The following ASXL2 variants were observed in gnomAD, a reference collection of about 807,000 sequenced individuals.
ASXL2 encodes the protein ASXL transcriptional regulator 2.
A neutral mutation model predicts 122.0 loss-of-function variants in ASXL2; 23 were observed. That is an observed-to-expected ratio of 0.19 (90% CI 0.14 to 0.27). ASXL2 has a LOEUF of 0.27. ASXL2 is among the 10% of genes least tolerant of loss of function. ASXL2 has a pLI of 1.00. For missense variants in ASXL2, 1,518 were observed against 1,713.8 expected, an observed-to-expected ratio of 0.89 and a Z score of 2.02; for synonymous variants, 650 against 637.0, an observed-to-expected ratio of 1.02 and a Z score of -0.31.
intron 11 of ASXL2, among the ~76,000 whole-genome samples, chr2:25,750,782 C>T (rs1243608262): frequency 6.6e-6 from 1 of 152,174 alleles, no homozygotes; most frequent in Admixed American, 6.5e-5. Context: ...ATTACTTCTG[C>T]TTATAGAGGG....
chr2:25,776,002 T>C (rs1388570640), intron 5 of ASXL2, among the ~76,000 whole-genome samples: 1 of 152,230 alleles, frequency 6.6e-6, no homozygotes, highest in African/African-American at 2.4e-5. Flanking sequence ...CAATTTGTTG[T>C]GTGACTAGTG....
At chr2:25,775,695 G>C (rs1559507739) in intron 5 of ASXL2, among the ~76,000 whole-genome samples, 1 of 152,074 alleles carries the variant, frequency 6.6e-6, no homozygotes, top group Admixed American at 6.6e-5. Context: ...CAGCCATGTG[G>C]AACTAACTAT....
chr2:25,787,550 G>C (rs13410396), intron 5 of ASXL2, among the ~76,000 whole-genome samples: 42,178 of 151,912 alleles, frequency 0.28, 6,159 homozygotes, highest in African/African-American at 0.33. Flanking sequence ...TTACAAATCA[G>C]GTAAAATCCT....
chr2:25,787,030 G>A (rs1238128944), intron 5 of ASXL2, among the ~76,000 whole-genome samples: 8 of 150,426 alleles, frequency 5.3e-5, no homozygotes, highest in African/African-American at 1.7e-4. Flanking sequence ...TTACATATTT[G>A]TATAAGTAGA....
chr2:25,799,524 C>A lies in ASXL2; in HGVS notation c.264G>T (p.Pro88=). 1.2e-6 allele frequency: 2 copies of A among 1,611,220 alleles called. No homozygotes were observed. Among genetic ancestry groups the A allele is most frequent in the Non-Finnish European group, 1.7e-6 (2 of 1,178,828 alleles). ...CTTCTGACAGCTCTTTCACCCCATC[C>A]GGCACATCTTTCTGAAAATGTAGGC... ...MGVYTLKKDV[P]DGVKELSEGS... Residue 88 remains proline (P), a synonymous_variant, in exon 5 of 13, where the codon CCG becomes CCT. Transcript: ENST00000435504.
chr2:25,822,767 T>C lies in ASXL2; in HGVS notation c.143+12771A>G, dbSNP rs1287418958. The C allele has an allele frequency of 3.9e-5, 23 of 594,816 alleles. No individual in the cohort carries two copies. In the Admixed American group the frequency reaches 4.0e-4, roughly 10 times the overall value. 36.8% of individuals were successfully genotyped at this position (594,816 alleles called of 1,614,324 possible). A position where few individuals can be genotyped will look rare whatever the true frequency, so the allele number is the denominator to read the frequency against. On this transcript the variant is annotated intron_variant, in intron 3 of 12. Coordinates refer to ENST00000435504, the MANE Select transcript of ASXL2 (RefSeq NM_018263.6). ...GAAGGGCAAAACTCAATTGGCTTAG[T>C]GTGGACTTCAGTAATTGGAAACACT... is the stretch of plus-strand genomic sequence containing the variant.
At chr2:25,756,728 C>T (rs2088142133) in intron 9 of ASXL2, among the ~76,000 whole-genome samples, 1 of 152,196 alleles carries the variant, frequency 6.6e-6, no homozygotes, top group African/African-American at 2.4e-5. Context: ...TTGATTTCAG[C>T]TACTCAACTC....
rs1268193961 is a variant in ASXL2, at chr2:25,736,737, G to T, written c.*5292C>A. On this transcript the variant is annotated 3_prime_UTR_variant, in exon 13 of 13. Coordinates refer to ENST00000435504, the MANE Select transcript of ASXL2 (RefSeq NM_018263.6). ...AAGTAACCACAGCTGGGCAATTATG[G>T]GAACTAGTGAACTACAATAAAAAGT... 6.6e-6 allele frequency: 1 copy of T among 151,790 alleles called. No homozygotes were observed. The highest frequency in any genetic ancestry group is 1.5e-5 in the Non-Finnish European group (1 of 67,978). 9.4% of individuals were successfully genotyped at this position (151,790 alleles called of 1,614,324 possible). A position where few individuals can be genotyped will look rare whatever the true frequency, so the allele number is the denominator to read the frequency against.
At chr2:25,855,023 G>T (rs1360496772) in intron 1 of ASXL2, among the ~76,000 whole-genome samples, 1 of 152,198 alleles carries the variant, frequency 6.6e-6, no homozygotes, top group East Asian at 1.9e-4. Flanking sequence ...AGCTCTGGCA[G>T]ACAGTGCCGC....
At chr2:25,827,888 T>C (rs1217676373) in intron 3 of ASXL2, among the ~76,000 whole-genome samples, 1 of 152,102 alleles carries the variant, frequency 6.6e-6, no homozygotes, top group African/African-American at 2.4e-5. Context: ...AAAGATTCCT[T>C]GGAAATTTTT....
intron 3 of ASXL2, 149 bp downstream of exon 3, chr2:25,835,389 A>G (rs747029897): frequency 6.1e-6 from 1 of 162,730 alleles, no homozygotes; most frequent in South Asian, 1.4e-4. Flanking sequence ...AAACACTAAC[A>G]TAATAATATC....
chr2:25,863,706 A>C (rs1205573940), intron 1 of ASXL2, among the ~76,000 whole-genome samples: 1 of 151,318 alleles, frequency 6.6e-6, no homozygotes, highest in Non-Finnish European at 1.5e-5. Context: ...AACAAAAACA[A>C]AACAAAACAA....
chr2:25,855,202 C>T (rs943532706), intron 1 of ASXL2, among the ~76,000 whole-genome samples: 8 of 152,164 alleles, frequency 5.3e-5, no homozygotes, highest in African/African-American at 1.9e-4. Flanking sequence ...CAGGCACATA[C>T]ACACTAAACA....
At chr2:25,787,564 C>A (rs914385829) in intron 5 of ASXL2, among the ~76,000 whole-genome samples, 11 of 152,144 alleles carry the variant, frequency 7.2e-5, no homozygotes, top group Non-Finnish European at 1.3e-4. Flanking sequence ...AAATCCTAGA[C>A]ACTTCAAAGA....
At position 25,753,361 on chromosome 2, in the gene ASXL2, T is replaced by A. The variant is rs188221412; in HGVS notation, c.1142+173A>T. 5.4e-3 allele frequency among the ~76,000 whole-genome samples: 757 copies of A among 140,682 alleles called. 4 individuals are homozygous for A. Among genetic ancestry groups the A allele is most frequent in the Admixed American group, 9.4e-3 (134 of 14,240 alleles). The allele number at this position is 140,682 out of a possible 152,430, so 92.3% of individuals were successfully genotyped here. On this transcript the variant is annotated intron_variant, in intron 11 of 12. Transcript: ENST00000435504. ...AATTCTGTGAACCCGTGATTCATAA[T>A]AAGAAAAAAACTTCTTCCTAAAGAA... is the stretch of plus-strand genomic sequence containing the variant.
intron 5 of ASXL2, among the ~76,000 whole-genome samples, chr2:25,773,205 C>T (rs150504301): frequency 2.9e-4 from 43 of 147,908 alleles, no homozygotes; most frequent in African/African-American, 1.0e-3. Context: ...GAGAGTCCAT[C>T]TCAAAAAAAA....
intron 5 of ASXL2, among the ~76,000 whole-genome samples, chr2:25,779,467 T>C (rs62127675): frequency 0.15 from 23,544 of 152,140 alleles, 2,222 homozygotes; most frequent in Non-Finnish European, 0.22. Flanking sequence ...ACTATAATTA[T>C]TGATTTGCTT....
intron 1 of ASXL2, 78 bp from the exon 2 acceptor site, chr2:25,845,641 G>A (rs1211687966): frequency 3.8e-5 from 23 of 603,318 alleles, no homozygotes; most frequent in East Asian, 1.3e-4. Flanking sequence ...TTATAATTAC[G>A]TCTTAAAAGC....
Position 25,799,378 on chromosome 2 carries a change from GA to G in ASXL2, c.403+6del. 1 of 1,613,960 alleles carries G rather than the reference GA, an allele frequency of 6.2e-7. No individual in the cohort carries two copies. The highest frequency in any genetic ancestry group is 8.5e-7 in the Non-Finnish European group (1 of 1,179,866). On this transcript the variant is annotated splice_donor_region_variant and intron_variant, in intron 5 of 12. Coordinates refer to ENST00000435504, the MANE Select transcript of ASXL2 (RefSeq NM_018263.6). ...TAGTACTTTATTGAAGGATCAGGTGGATTTACCTTTCCTTTTCCACCTGCTC... is the reference window on the plus strand; with the variant it reads ...TAGTACTTTATTGAAGGATCAGGTGGTTTACCTTTCCTTTTCCACCTGCTC...
Sources: allele counts gnomAD v4.1 joint callset (sites outside exome capture counted in the v4.1 genomes callset), GRCh38; gene constraint gnomAD v4.1.1; transcripts MANE v1.5; gene names NCBI Gene and HGNC (gene_info 2026-07-23, HGNC 2026-07-21).